The following CLINT1 variants were observed in gnomAD, a reference collection of about 807,000 sequenced individuals.
The protein encoded by CLINT1 is clathrin interactor 1, also known as clathrin interacting protein localized in the trans-Golgi region.
In CLINT1, 15 loss-of-function variants were observed where a neutral mutation model predicts 70.4. The ratio of observed to expected loss-of-function variants is 0.21; its 90% CI spans 0.14 to 0.33. The LOEUF is 0.33. CLINT1 is among the 10% of genes least tolerant of loss of function. The pLI, the probability that CLINT1 is intolerant of heterozygous loss-of-function variation, is 1.00. For synonymous variants in CLINT1, 227 were observed against 254.7 expected (o/e 0.89, Z 1.04); for missense variants, 615 against 778.1 (o/e 0.79, Z 2.49).
chr5:157,858,898 G>T, intron 1 of CLINT1, 32 bp downstream of exon 1: 3 of 1,428,180 alleles, frequency 2.1e-6, no homozygotes, highest in South Asian at 3.0e-5. Context: ...CCCCCACGTG[G>T]GCCTCGGCCA....
In CLINT1 at chr5:157,794,890, A is replaced by C; in HGVS notation, c.1087+8T>G. On this transcript the variant is annotated splice_region_variant and intron_variant, in intron 9 of 11. Coordinates refer to ENST00000411809, the MANE Select transcript of CLINT1 (RefSeq NM_014666.4). ...CCTAGACTTCTGGCCAATCAAATTG[A>C]ATCATACCTTGGGAAGGGAAACTGC... The C allele has an allele frequency of 9.0e-6, 14 of 1,554,976 alleles. No homozygotes were observed. Among genetic ancestry groups the C allele is most frequent in the Non-Finnish European group, 1.2e-5 (14 of 1,148,204 alleles).
chr5:157,796,827 C>T (rs1175569157), intron 8 of CLINT1, among the ~76,000 whole-genome samples: 4 of 152,132 alleles, frequency 2.6e-5, no homozygotes, highest in African/African-American at 9.7e-5. Flanking sequence ...CTGTAGTCAA[C>T]TAGCAGCAGG....
intron 1 of CLINT1, among the ~76,000 whole-genome samples, chr5:157,845,882 A>C (rs1448911539): frequency 6.6e-6 from 1 of 152,096 alleles, no homozygotes; most frequent in African/African-American, 2.4e-5. Context: ...CAATATTTCC[A>C]ACTTTTTCAT....
chr5:157,803,630 A>G lies in CLINT1; in HGVS notation c.1012+20T>C. 1 of 1,417,344 alleles carries G rather than the reference A, an allele frequency of 7.1e-7. No homozygotes were observed. Among genetic ancestry groups the G allele is most frequent in the South Asian group, 1.8e-5 (1 of 55,350 alleles). The allele number at this position is 1,417,344 out of a possible 1,614,324, so 87.8% of individuals were successfully genotyped here. A position where few individuals can be genotyped will look rare whatever the true frequency, so the allele number is the denominator to read the frequency against. Reference sequence around the variant, plus strand: ...AAAATGACTCTCAAACCAAAAGAAAAGGCCAATGTAGAAGCTTACCTGTTG... The same window carrying G: ...AAAATGACTCTCAAACCAAAAGAAAGGGCCAATGTAGAAGCTTACCTGTTG... On this transcript the variant is annotated intron_variant, in intron 8 of 11. Coordinates refer to ENST00000411809, the MANE Select transcript of CLINT1 (RefSeq NM_014666.4).
In CLINT1 at chr5:157,842,804, C is replaced by T. The variant is rs182851577; in HGVS notation, c.41+16126G>A. On this transcript the variant is annotated intron_variant, in intron 1 of 11. Transcript: ENST00000411809. The stretch of plus-strand genomic sequence containing the variant: ...TATTATTTCTATTTAACAAGCAAAA[C>T]ACTCCTATTCTGTACTTACAGCAAC... 7.2e-4 allele frequency among the ~76,000 whole-genome samples: 110 copies of T among 152,248 alleles called. 1 individual carries two copies. The highest frequency in any genetic ancestry group is 2.4e-3 in the African/African-American group (101 of 41,546).
At chr5:157,807,403 ATAATT>A in intron 6 of CLINT1, among the ~76,000 whole-genome samples, 1 of 152,268 alleles carries the variant, frequency 6.6e-6, no homozygotes, top group South Asian at 2.1e-4. Context: ...TCAGCGCAAA[ATAATT>A]TATTCACAAG....
chr5:157,844,129 T>A (rs977526879), intron 1 of CLINT1, among the ~76,000 whole-genome samples: 2 of 151,284 alleles, frequency 1.3e-5, no homozygotes, highest in Non-Finnish European at 2.9e-5. Flanking sequence ...AACTTAGATG[T>A]ATTATCCAAT....
intron 1 of CLINT1, among the ~76,000 whole-genome samples, chr5:157,840,061 A>C (rs953496225): frequency 6.6e-6 from 1 of 151,876 alleles, no homozygotes; most frequent in Admixed American, 6.6e-5. Flanking sequence ...TTAGCTGGGC[A>C]TGATGGGCCT....
chr5:157,798,059 G>A (rs1274786931), intron 8 of CLINT1, among the ~76,000 whole-genome samples: 1 of 151,952 alleles, frequency 6.6e-6, no homozygotes, highest in Non-Finnish European at 1.5e-5. Context: ...GCTTTTACTG[G>A]TACTTTAAGA....
chr5:157,828,993 T>C (rs1311374692), intron 1 of CLINT1, among the ~76,000 whole-genome samples: 5 of 148,244 alleles, frequency 3.4e-5, no homozygotes, highest in African/African-American at 1.3e-4. Context: ...TCCCAGCTAC[T>C]CAGGAGGCTG....
At chr5:157,857,315 A>T (rs1753791809) in intron 1 of CLINT1, among the ~76,000 whole-genome samples, 1 of 152,062 alleles carries the variant, frequency 6.6e-6, no homozygotes, top group Non-Finnish European at 1.5e-5. Context: ...ACAATATACT[A>T]AAAAAATGCC....
chr5:157,796,122 C>T (rs1674786309), intron 8 of CLINT1: 1 of 152,040 alleles, frequency 6.6e-6, no homozygotes, highest in African/African-American at 2.4e-5. Flanking sequence ...GGTTTTCCCC[C>T]GTAGTGTTTA....
intron 7 of CLINT1, 117 bp downstream of exon 7, chr5:157,805,749 G>T: frequency 7.9e-7 from 1 of 1,263,416 alleles, no homozygotes; most frequent in Non-Finnish European, 1.1e-6. Context: ...ATACATGCCA[G>T]ATGATCCATA....
At chr5:157,858,542 C>A (rs76011718) in intron 1 of CLINT1, among the ~76,000 whole-genome samples, 1 of 152,214 alleles carries the variant, frequency 6.6e-6, no homozygotes, top group South Asian at 2.1e-4. Flanking sequence ...CCCCCACCCC[C>A]AAACCTTCCC....
At chr5:157,799,405 G>A (rs145063204) in intron 8 of CLINT1, among the ~76,000 whole-genome samples, 336 of 152,076 alleles carry the variant, frequency 2.2e-3, no homozygotes, top group African/African-American at 7.8e-3. Flanking sequence ...TACACATTTC[G>A]GATTTGATAT....
At chr5:157,827,980 C>A (rs1445224469) in intron 1 of CLINT1, among the ~76,000 whole-genome samples, 1 of 152,102 alleles carries the variant, frequency 6.6e-6, no homozygotes, top group East Asian at 1.9e-4. Flanking sequence ...ACTACCTGAT[C>A]CCTGGACACA....
In CLINT1 at chr5:157,816,847, T is replaced by G. The variant is rs750811582; in HGVS notation, c.147-17A>C. 1.0e-5 allele frequency: 16 copies of G among 1,547,810 alleles called. No homozygotes were observed. Among genetic ancestry groups the G allele is most frequent in the Non-Finnish European group, 1.2e-5 (14 of 1,130,784 alleles). On this transcript the variant is annotated splice_polypyrimidine_tract_variant and intron_variant, in intron 2 of 11. Coordinates refer to ENST00000411809, the MANE Select transcript of CLINT1 (RefSeq NM_014666.4). ...AATGTAGCCCTGAAAAAAGAATCAT[T>G]CTTTAAGAGTCTGCAATATATTAAT...
intron 8 of CLINT1, chr5:157,795,747 G>C (rs1762047673): frequency 6.6e-6 from 1 of 152,206 alleles, no homozygotes; most frequent in Non-Finnish European, 1.5e-5. Flanking sequence ...TCATTTTAGA[G>C]TCTGGTGTGG....
intron 10 of CLINT1, chr5:157,789,846 T>C (rs1043625569): frequency 2.2e-5 from 9 of 408,718 alleles, no homozygotes; most frequent in South Asian, 1.0e-4. Flanking sequence ...CCAGGGGAAC[T>C]ACCGATTTTA....
Sources: gnomAD v4.1 joint callset for allele counts (sites outside exome capture counted in the v4.1 genomes callset) on GRCh38, gnomAD v4.1.1 for gene constraint, MANE v1.5 for transcripts, NCBI Gene and HGNC (gene_info 2026-07-23, HGNC 2026-07-21) for gene names.